Variants in SMG6 observed in about 807,000 individuals in gnomAD.
SMG6 encodes telomerase-binding protein EST1A.
In SMG6, 66 loss-of-function variants were observed where a neutral mutation model predicts 142.2. That is an observed-to-expected ratio of 0.46 (90% confidence interval 0.38 to 0.57). SMG6 has a LOEUF of 0.57. Ranked by LOEUF, SMG6 falls within the 20% of genes least tolerant of loss-of-function variation. SMG6 has a pLI of 0.00. For synonymous variants in SMG6, 779 were observed against 702.4 expected (o/e 1.11, Z -1.72); for missense variants, 1,793 against 1,832.0 (o/e 0.98, Z 0.39).
intron 13 of SMG6, among the ~76,000 whole-genome samples, chr17:2,097,900 C>T (rs893493047): frequency 2.6e-5 from 4 of 152,156 alleles, no homozygotes; most frequent in Non-Finnish European, 4.4e-5. Flanking sequence ...CCATTTCTAT[C>T]GGGGATACTC....
intron 4 of SMG6, among the ~76,000 whole-genome samples, chr17:2,296,636 A>G (rs146897877): frequency 6.5e-4 from 99 of 152,288 alleles, no homozygotes; most frequent in African/African-American, 2.3e-3. Context: ...ATGAGAATCT[A>G]ATGCCCCAAC....
At chr17:2,225,517 C>T (rs769072865) in intron 10 of SMG6, among the ~76,000 whole-genome samples, 3 of 151,342 alleles carry the variant, frequency 2.0e-5, no homozygotes, top group African/African-American at 7.3e-5. Context: ...AATATAGGTG[C>T]GTTTGAACAA....
chr17:2,233,187 C>T (rs1346957429), intron 10 of SMG6: 1 of 152,268 alleles, frequency 6.6e-6, no homozygotes, highest in Non-Finnish European at 1.5e-5. Flanking sequence ...GGCACCACAT[C>T]TACAGGGAAG....
chr17:2,172,712 G>A lies in SMG6; in HGVS notation c.3303C>T (p.Val1101=), dbSNP rs754181635. The A allele has an allele frequency of 1.1e-5, 17 of 1,613,972 alleles. No homozygotes were observed. In the African/African-American group the frequency reaches 1.6e-4, roughly 15 times the overall value. ...GGTCCTGAGGGGCAGCCAGCAAGGG[G>A]ACAAAGCCCGAGAGAAGCCGATCCT... ...LEEDRLLSGF[V]PLLAAPQDPC... The change falls in exon 13 of 19, where the codon GTC becomes GTT. Residue 1101 remains valine (V), a synonymous_variant. Coordinates refer to ENST00000263073, the MANE Select transcript of SMG6 (RefSeq NM_017575.5).
chr17:2,171,935 T>A (rs997111018), intron 13 of SMG6, among the ~76,000 whole-genome samples: 1 of 152,222 alleles, frequency 6.6e-6, no homozygotes, highest in South Asian at 2.1e-4. Flanking sequence ...CGGTGGCTAC[T>A]ACTTCCCTAG....
At chr17:2,210,946 CT>C (rs1040439680) in intron 10 of SMG6, among the ~76,000 whole-genome samples, 4 of 151,896 alleles carry the variant, frequency 2.6e-5, no homozygotes, top group African/African-American at 9.7e-5. Flanking sequence ...AAATCCCCTT[CT>C]GAAAGGCTTC....
intron 13 of SMG6, among the ~76,000 whole-genome samples, chr17:2,159,402 T>C (rs184809047): frequency 6.6e-6 from 1 of 152,178 alleles, no homozygotes; most frequent in African/African-American, 2.4e-5. Flanking sequence ...TACACTCCAG[T>C]GTGGGTGACA....
chr17:2,142,994 T>C (rs1241724723), intron 13 of SMG6, among the ~76,000 whole-genome samples: 3 of 151,982 alleles, frequency 2.0e-5, no homozygotes, highest in Non-Finnish European at 4.4e-5. Flanking sequence ...TCATTAGTTA[T>C]TGAGAAATGC....
intron 10 of SMG6, among the ~76,000 whole-genome samples, chr17:2,195,679 T>C (rs1221190322): frequency 6.6e-6 from 1 of 152,196 alleles, no homozygotes; most frequent in Non-Finnish European, 1.5e-5. Flanking sequence ...TTGAGACCTA[T>C]GTTAGGCAAA....
Position 2,100,083 on chromosome 17 carries a change from G to A in SMG6, c.3358-14182C>T, listed in dbSNP as rs145931800. 3.6e-3 allele frequency among the ~76,000 whole-genome samples: 542 copies of A among 150,866 alleles called. 7 individuals are homozygous for A. The highest frequency in any genetic ancestry group is 0.011 in the African/African-American group (443 of 40,884). ...GACAGTGTCTTGCTTTGTTGCCCAG[G>A]CTGGCGTGCAGTGGCACAATCTTGG... On this transcript the variant is annotated intron_variant, in intron 13 of 18. Transcript: ENST00000263073.
chr17:2,168,356 C>G (rs957924753), intron 13 of SMG6, among the ~76,000 whole-genome samples: 1 of 151,788 alleles, frequency 6.6e-6, no homozygotes, highest in Admixed American at 6.6e-5. Flanking sequence ...CCATGCCTGG[C>G]TAATTTAGTA....
At chr17:2,277,678 T>A (rs557109559) in intron 8 of SMG6, among the ~76,000 whole-genome samples, 1 of 152,334 alleles carries the variant, frequency 6.6e-6, no homozygotes, top group South Asian at 2.1e-4. Flanking sequence ...GCAGGAATAA[T>A]TTATGTTCAA....
intron 10 of SMG6, among the ~76,000 whole-genome samples, chr17:2,189,424 G>A (rs962131081): frequency 6.6e-6 from 1 of 152,164 alleles, no homozygotes; most frequent in Non-Finnish European, 1.5e-5. Context: ...ACAGAAGGCA[G>A]CAGTCCACCA....
intron 8 of SMG6, among the ~76,000 whole-genome samples, chr17:2,252,035 G>A (rs1365885020): frequency 1.3e-5 from 2 of 151,420 alleles, no homozygotes; most frequent in Non-Finnish European, 2.9e-5. Flanking sequence ...AGGAGACGGA[G>A]GTTGCAGTGA....
At chr17:2,073,029 ACT>A (rs1050365988) in intron 15 of SMG6, 11 of 152,244 alleles carry the variant, frequency 7.2e-5, no homozygotes, top group African/African-American at 2.7e-4. Flanking sequence ...AGGAAATAGA[ACT>A]GGGGATGAGG....
At chr17:2,224,157 G>GT (rs1555559361) in intron 10 of SMG6, among the ~76,000 whole-genome samples, 7 of 152,288 alleles carry the variant, frequency 4.6e-5, no homozygotes, top group Admixed American at 4.6e-4. Context: ...AACCAGATAG[G>GT]TAAGTGTGGC....
chr17:2,118,877 C>CT (rs1371286912), intron 13 of SMG6, among the ~76,000 whole-genome samples: 1 of 148,684 alleles, frequency 6.7e-6, no homozygotes, highest in African/African-American at 2.5e-5. Context: ...GCATGGGCCA[C>CT]TGTGCCTGGC....
rs553105343 is a variant in SMG6 at position 2,141,941 on chromosome 17, T to C, written c.3357+30717A>G. 2.6e-5 allele frequency among the ~76,000 whole-genome samples: 4 copies of C among 152,364 alleles called. No individual in the cohort carries two copies. In the South Asian group the frequency reaches 8.3e-4, roughly 32 times the overall value. On this transcript the variant is annotated intron_variant, in intron 13 of 18. Transcript: ENST00000263073. Reference sequence around the variant, plus strand: ...CCAATTTTATAGTTACAATCACTGTTTACCATTTCTTTGGAATCTAGGATA... The same window carrying C: ...CCAATTTTATAGTTACAATCACTGTCTACCATTTCTTTGGAATCTAGGATA...
intron 13 of SMG6, among the ~76,000 whole-genome samples, chr17:2,161,661 A>G (rs2071183584): frequency 9.2e-5 from 14 of 152,016 alleles, no homozygotes; most frequent in Admixed American, 9.2e-4. Flanking sequence ...AATGATGTAG[A>G]TAAGACTACA....
Sources: allele counts gnomAD v4.1 joint callset (sites outside exome capture counted in the v4.1 genomes callset), GRCh38; gene constraint gnomAD v4.1.1; transcripts MANE v1.5; gene names NCBI Gene and HGNC (gene_info 2026-07-23, HGNC 2026-07-21).